The following DLG2 variants were observed in gnomAD, a reference collection of about 807,000 sequenced individuals.
The protein encoded by DLG2 is disks large homolog 2.
Under a neutral mutation model 132.5 loss-of-function variants are expected in DLG2, and 45 were observed. That is an observed-to-expected ratio of 0.34 (90% CI 0.27 to 0.44). DLG2 has a LOEUF of 0.44. Among genes scored for constraint, DLG2 ranks in the 20% least tolerant of loss-of-function variants. The pLI, the probability that DLG2 is intolerant of heterozygous loss-of-function variation, is 1.00. For missense variants in DLG2, 1,045 were observed against 1,196.9 expected (o/e 0.87, Z 1.87); for synonymous variants, 424 against 419.6 (o/e 1.01, Z -0.13).
intron 11 of DLG2, among the ~76,000 whole-genome samples, chr11:84,007,948 C>G (rs1353941659): frequency 1.3e-5 from 2 of 151,706 alleles, no homozygotes; most frequent in Non-Finnish European, 3.0e-5. Flanking sequence ...TTTGCATTTT[C>G]TTTCAAGATT....
chr11:83,580,090 T>C (rs189319037), intron 19 of DLG2, among the ~76,000 whole-genome samples: 2 of 152,262 alleles, frequency 1.3e-5, no homozygotes, highest in Admixed American at 1.3e-4. Context: ...TTCCAATGTT[T>C]GTTGTTAATT....
intron 3 of DLG2, among the ~76,000 whole-genome samples, chr11:85,430,577 T>C (rs1182341702): frequency 6.6e-6 from 1 of 152,090 alleles, no homozygotes; most frequent in African/African-American, 2.4e-5. Context: ...TGAGCTAAAA[T>C]GTGAGAAGTA....
At chr11:85,494,018 C>A (rs1337424400) in intron 3 of DLG2, among the ~76,000 whole-genome samples, 3 of 152,126 alleles carry the variant, frequency 2.0e-5, no homozygotes, top group Admixed American at 6.5e-5. Flanking sequence ...AAAATCATGT[C>A]TTCATATGAC....
intron 16 of DLG2, among the ~76,000 whole-genome samples, chr11:83,840,423 T>C (rs1178618488): frequency 1.3e-5 from 2 of 152,164 alleles, no homozygotes; most frequent in Non-Finnish European, 1.5e-5. Flanking sequence ...CGAATGTCTT[T>C]CCCTCTTCCT....
In DLG2 at chr11:85,012,139, T is replaced by TGGAGAAACTCCATTTCTACTAA. The variant is rs1566644270; in HGVS notation, c.357+99521_357+99522insTTAGTAGAAATGGAGTTTCTCC. 3.4e-3 allele frequency among the ~76,000 whole-genome samples: 273 copies of TGGAGAAACTCCATTTCTACTAA among 80,452 alleles called. 23 individuals are homozygous for TGGAGAAACTCCATTTCTACTAA. The highest frequency in any genetic ancestry group is 7.2e-3 in the East Asian group (8 of 1,112). 52.8% of individuals were successfully genotyped at this position (80,452 alleles called of 152,430 possible). On this transcript the variant is annotated intron_variant, in intron 6 of 27. Coordinates refer to ENST00000376104, the MANE Select transcript of DLG2 (RefSeq NM_001142699.3). Reference sequence around the variant, plus strand: ...GAGTTCGAGACCAGCCTGACCAACATAATCTATGTGAAATGACCTAGATAA... The same window carrying TGGAGAAACTCCATTTCTACTAA: ...GAGTTCGAGACCAGCCTGACCAACATGGAGAAACTCCATTTCTACTAAAATCTATGTGAAATGACCTAGATAA...
At chr11:85,019,057 T>A (rs1378867311) in intron 6 of DLG2, among the ~76,000 whole-genome samples, 1 of 152,198 alleles carries the variant, frequency 6.6e-6, no homozygotes, top group East Asian at 1.9e-4. Context: ...TCAAAGCTGC[T>A]TTAAGGAGCC....
At chr11:84,850,525 C>A (rs1290814289) in intron 6 of DLG2, among the ~76,000 whole-genome samples, 2 of 152,038 alleles carry the variant, frequency 1.3e-5, no homozygotes, top group African/African-American at 4.8e-5. Flanking sequence ...CCACTTGTAT[C>A]CAACAATGTA....
intron 17 of DLG2, chr11:83,790,462 T>C: frequency 8.4e-7 from 1 of 1,192,572 alleles, no homozygotes; most frequent in Non-Finnish European, 1.2e-6. Context: ...AGCTCCTCTG[T>C]AAGGCTTGTC....
At chr11:84,828,391 T>C (rs1288786936) in intron 6 of DLG2, among the ~76,000 whole-genome samples, 2 of 151,852 alleles carry the variant, frequency 1.3e-5, no homozygotes, top group Non-Finnish European at 2.9e-5. Context: ...AGACTTTCAC[T>C]TTATTCAAGG....
At chr11:84,226,958 C>T (rs939476175) in intron 8 of DLG2, among the ~76,000 whole-genome samples, 4 of 151,774 alleles carry the variant, frequency 2.6e-5, no homozygotes, top group East Asian at 1.9e-4. Flanking sequence ...TGGTGGTGGG[C>T]GCCTGTAATC....
At chr11:84,875,421 T>C (rs559005054) in intron 6 of DLG2, among the ~76,000 whole-genome samples, 2 of 151,672 alleles carry the variant, frequency 1.3e-5, no homozygotes, top group Non-Finnish European at 2.9e-5. Context: ...ACAAGGAAAA[T>C]GTACACATGG....
intron 7 of DLG2, among the ~76,000 whole-genome samples, chr11:84,328,538 T>C (rs1283763373): frequency 6.6e-6 from 1 of 152,194 alleles, no homozygotes; most frequent in Admixed American, 6.5e-5. Flanking sequence ...CCAGAATTTG[T>C]AATGCAATCA....
intron 5 of DLG2, among the ~76,000 whole-genome samples, chr11:85,115,862 C>T (rs1322622963): frequency 6.6e-6 from 1 of 151,958 alleles, no homozygotes; most frequent in East Asian, 1.9e-4. Context: ...ATACAGAGAG[C>T]TGAGTTCAGC....
chr11:85,384,445 A>T (rs988395394), intron 3 of DLG2, among the ~76,000 whole-genome samples: 2 of 152,228 alleles, frequency 1.3e-5, no homozygotes, highest in Non-Finnish European at 2.9e-5. Flanking sequence ...ATTGGAACTC[A>T]TATCAAAAAG....
At chr11:84,599,973 C>T (rs995637152) in intron 6 of DLG2, among the ~76,000 whole-genome samples, 1 of 150,990 alleles carries the variant, frequency 6.6e-6, no homozygotes, top group Non-Finnish European at 1.5e-5. Flanking sequence ...GCTGAGGCTG[C>T]AGTGAATCCT....
chr11:83,858,522 T>C (rs933996268), intron 16 of DLG2, among the ~76,000 whole-genome samples: 4 of 152,156 alleles, frequency 2.6e-5, no homozygotes, highest in Non-Finnish European at 5.9e-5. Flanking sequence ...CTTGAATTTG[T>C]TGTGGCCTTG....
At chr11:84,807,890 A>G (rs764930415) in intron 6 of DLG2, among the ~76,000 whole-genome samples, 5 of 152,192 alleles carry the variant, frequency 3.3e-5, no homozygotes, top group Non-Finnish European at 5.9e-5. Context: ...AGACAAACAC[A>G]TAATTATAAT....
At chr11:84,773,151 C>G (rs1041336115) in intron 6 of DLG2, among the ~76,000 whole-genome samples, 3 of 152,106 alleles carry the variant, frequency 2.0e-5, no homozygotes, top group Non-Finnish European at 4.4e-5. Context: ...ATTATGAACA[C>G]CTCCATGAAC....
intron 3 of DLG2, among the ~76,000 whole-genome samples, chr11:85,461,704 G>C (rs1388459624): frequency 6.6e-6 from 1 of 152,194 alleles, no homozygotes; most frequent in African/African-American, 2.4e-5. Context: ...CAAAAAAGGA[G>C]ACGGAAACTG....
Sources: allele counts gnomAD v4.1 joint callset (sites outside exome capture counted in the v4.1 genomes callset), GRCh38; gene constraint gnomAD v4.1.1; transcripts MANE v1.5; gene names NCBI Gene and HGNC (gene_info 2026-07-23, HGNC 2026-07-21).